Variants in FDFT1 observed in about 807,000 individuals in gnomAD.
FDFT1 encodes farnesyl-diphosphate farnesyltransferase 1.
A neutral mutation model predicts 46.8 loss-of-function variants in FDFT1; 68 were observed. The ratio of observed to expected loss-of-function variants is 1.45; its 90% CI spans 1.19 to 1.78. The LOEUF is 1.78. FDFT1 is among the 40% of genes most tolerant of loss of function. The pLI is 0.00. For synonymous variants in FDFT1, 351 were observed against 185.1 expected (o/e 1.90, Z -7.28); for missense variants, 928 against 524.4 (o/e 1.77, Z -7.52).
rs544013339 is a variant in FDFT1 at position 11,826,120 on chromosome 8, C to G, written c.607C>G (p.Arg203Gly). 17 of 1,609,342 alleles carry G rather than the reference C, an allele frequency of 1.1e-5. No individual in the cohort carries two copies. Among genetic ancestry groups the G allele is most frequent in the Admixed American group, 6.7e-5 (4 of 59,934 alleles). The change falls in exon 5 of 8, where the codon CGT becomes GGT. Residue 203 changes from arginine to glycine, a missense_variant. Coordinates refer to ENST00000220584, the MANE Select transcript of FDFT1 (RefSeq NM_004462.5). Reference sequence around the variant, plus strand: ...CCCCTTAGTTGGTGAAGATACAGAACGTGCCAACTCTATGGGCCTGTTTTT... The same window carrying G: ...CCCCTTAGTTGGTGAAGATACAGAAGGTGCCAACTCTATGGGCCTGTTTTT... ...EDPLVGEDTE[R>G]ANSMGLFLQK...
Position 11,830,330 on chromosome 8 carries a change from A to G in FDFT1, c.789A>G (p.Ile263Met), listed in dbSNP as rs528416963. The G allele has an allele frequency of 6.2e-7, 1 of 1,613,540 alleles. No individual in the cohort carries two copies. Among genetic ancestry groups the G allele is most frequent in the African/African-American group, 1.3e-5 (1 of 75,026 alleles). ...DLAVQCLNEL[I>M]TNALHHIPDV... Reference sequence around the variant, plus strand: ...CCGTGCAGTGCCTGAATGAACTTATAACCAATGCACTGCACCACATCCCAG... The same window carrying G: ...CCGTGCAGTGCCTGAATGAACTTATGACCAATGCACTGCACCACATCCCAG... The change falls in exon 6 of 8, where the codon ATA becomes ATG. Residue 263 changes from isoleucine (I) to methionine (M), a missense_variant. Coordinates refer to ENST00000220584, the MANE Select transcript of FDFT1 (RefSeq NM_004462.5).
intron 5 of FDFT1, among the ~76,000 whole-genome samples, chr8:11,829,879 A>G (rs375859759): frequency 3.4e-5 from 5 of 147,392 alleles, no homozygotes; most frequent in African/African-American, 1.3e-4. Flanking sequence ...ACGGAGTCTC[A>G]CTCTTTCACC....
intron 7 of FDFT1, among the ~76,000 whole-genome samples, chr8:11,834,167 G>C (rs2130894948): frequency 6.6e-6 from 1 of 152,292 alleles, no homozygotes; most frequent in East Asian, 1.9e-4. Context: ...CATGCACCTG[G>C]AAGGGACTTG....
In FDFT1 at chr8:11,821,764, T is replaced by A. The variant is rs201713766; in HGVS notation, c.396T>A (p.Phe132Leu). The A allele has an allele frequency of 2.5e-6, 4 of 1,613,436 alleles. No homozygotes were observed. Among genetic ancestry groups the A allele is most frequent in the Non-Finnish European group, 3.4e-6 (4 of 1,179,520 alleles). ...LEDFPTISLE[F>L]RNLAEKYQTV... ...TTCCATTTCAGATCTCCCTTGAGTT[T>A]AGAAATCTGGCTGAGAAATACCAAA... Residue 132 changes from phenylalanine to leucine, a missense_variant, in exon 4 of 8, where the codon TTT becomes TTA. Phe to Leu is a conservative substitution (Grantham distance 22). Transcript: ENST00000220584.
At chr8:11,831,152 C>A (rs928886266) in intron 6 of FDFT1, among the ~76,000 whole-genome samples, 2 of 152,140 alleles carry the variant, frequency 1.3e-5, no homozygotes, top group African/African-American at 2.4e-5. Context: ...AAAACAACTA[C>A]AATAGAAAAT....
chr8:11,800,164 G>T (rs908740537), upstream of FDFT1, among the ~76,000 whole-genome samples: 1 of 149,320 alleles, frequency 6.7e-6, no homozygotes, highest in East Asian at 2.0e-4. Context: ...GGGAGGCTGA[G>T]GCAGGAGAAG....
At chr8:11,820,507 A>G (rs576020317) in intron 3 of FDFT1, among the ~76,000 whole-genome samples, 17 of 152,302 alleles carry the variant, frequency 1.1e-4, no homozygotes, top group Admixed American at 4.6e-4. Flanking sequence ...GGCTCCACCC[A>G]GTTCAAGCTT....
intron 6 of FDFT1, 141 bp from the exon 7 acceptor site, chr8:11,831,377 T>C (rs1810759321): frequency 4.5e-6 from 3 of 659,430 alleles, no homozygotes; most frequent in African/African-American, 1.8e-5. Flanking sequence ...TCTTCGTGGG[T>C]ATTTTTTCTT....
chr8:11,808,200 T>C, intron 1 of FDFT1: 1 of 1,074,044 alleles, frequency 9.3e-7, no homozygotes, highest in Non-Finnish European at 1.1e-6. Flanking sequence ...CAGGCCTTAT[T>C]GGGAAGAGGA....
In FDFT1 at chr8:11,831,670, G is replaced by C. The variant is rs766902050; in HGVS notation, c.1032G>C (p.Glu344Asp). 4 of 1,611,650 alleles carry C rather than the reference G, an allele frequency of 2.5e-6. No homozygotes were observed. The East Asian group carries it at 8.9e-5, about 36-fold the overall frequency. The change falls in exon 7 of 8, where the codon GAG becomes GAC. Residue 344 changes from glutamate (E) to aspartate (D), a missense_variant and splice_region_variant. By Grantham distance (45) the Glu-to-Asp change is conservative (BLOSUM62 2). Transcript: ENST00000220584. ...CCATCATATATCAGTATATGGAAGA[G>C]GTGGGTTTTTATTTAACTACTTGGA... Reference protein sequence around the residue: ...VKAIIYQYMEEIYHRIPDSDP... With the variant: ...VKAIIYQYMEDIYHRIPDSDP...
At chr8:11,828,328 T>G (rs923721914) in intron 5 of FDFT1, among the ~76,000 whole-genome samples, 4 of 152,096 alleles carry the variant, frequency 2.6e-5, no homozygotes, top group Admixed American at 2.6e-4. Flanking sequence ...CAAAAAACAC[T>G]TCCCTCAGCT....
In FDFT1 at chr8:11,827,712, G is replaced by T. The variant is rs564517011; in HGVS notation, c.702+1497G>T. ...CAGATGATTATTAAAAATCTGAAAA[G>T]ATGCTGAGTCTTACTCCTAAGAAAA... is the stretch of plus-strand genomic sequence containing the variant. On this transcript the variant is annotated intron_variant, in intron 5 of 7. Transcript: ENST00000220584. Among the ~76,000 whole-genome samples the T allele has an allele frequency of 2.6e-5, 4 of 152,240 alleles. No homozygotes were observed. In the East Asian group the frequency reaches 7.7e-4, roughly 29 times the overall value.
chr8:11,809,798 G>C lies in FDFT1; in HGVS notation c.329G>C (p.Arg110Pro). ...FHSFLYQPDW[R>P]FMESKEKDRQ... is the part of the protein sequence containing the mutation. ...TCTTTCCTTTACCAACCAGACTGGC[G>C]GTTCATGGAGAGCAAGGAGAAGGAT... is the stretch of plus-strand genomic sequence containing the variant. Residue 110 changes from arginine (R) to proline (P), a missense_variant, in exon 3 of 8, where the codon CGG becomes CCG. Physicochemically the swap from Arg to Pro is moderately radical, Grantham distance 103 (BLOSUM62 -2). Coordinates refer to ENST00000220584, the MANE Select transcript of FDFT1 (RefSeq NM_004462.5). The C allele has an allele frequency of 6.2e-7, 1 of 1,614,128 alleles. No homozygotes were observed. The highest frequency in any genetic ancestry group is 8.5e-7 in the Non-Finnish European group (1 of 1,180,000).
In FDFT1 at chr8:11,821,743, A is replaced by G. The variant is rs1809278183; in HGVS notation, c.382-7A>G. On this transcript the variant is annotated splice_region_variant and splice_polypyrimidine_tract_variant and intron_variant, in intron 3 of 7. Coordinates refer to ENST00000220584, the MANE Select transcript of FDFT1 (RefSeq NM_004462.5). ...TGATTTCTGTGTTTTTACGGTTTCC[A>G]TTTCAGATCTCCCTTGAGTTTAGAA... 1.9e-6 allele frequency: 3 copies of G among 1,612,756 alleles called. No individual in the cohort carries two copies. Among genetic ancestry groups the G allele is most frequent in the Non-Finnish European group, 1.7e-6 (2 of 1,179,090 alleles).
In FDFT1 at chr8:11,838,428, A is replaced by G. The variant is rs202175915; in HGVS notation, c.1073A>G (p.Lys358Arg). ...CCCGACTCAGACCCATCTTCTAGCA[A>G]AACAAGGCAGATCATCTCCACCATC... ...RIPDSDPSSS[K>R]TRQIISTIRT... The change falls in exon 8 of 8, where the codon AAA (lysine) becomes AGA (arginine). Residue 358 changes from lysine (K) to arginine (R), a missense_variant. Transcript: ENST00000220584. The G allele has an allele frequency of 5.6e-6, 9 of 1,612,636 alleles. No individual in the cohort carries two copies. In the African/African-American group the frequency reaches 6.7e-5, roughly 12 times the overall value.
chr8:11,803,321 G>T (rs886424285), intron 1 of FDFT1: 2 of 1,297,328 alleles, frequency 1.5e-6, no homozygotes, highest in African/African-American at 3.0e-5. Flanking sequence ...GAACTATGCA[G>T]ATAACATCAC....
intron 7 of FDFT1, among the ~76,000 whole-genome samples, chr8:11,837,894 G>T (rs1195593363): frequency 6.6e-6 from 1 of 152,164 alleles, no homozygotes; most frequent in African/African-American, 2.4e-5. Flanking sequence ...GGGAGGCACA[G>T]GGAGGACTCC....
intron 6 of FDFT1, among the ~76,000 whole-genome samples, 153 bp downstream of exon 6, chr8:11,830,573 T>C (rs963129435): frequency 6.6e-6 from 1 of 152,236 alleles, no homozygotes; most frequent in Non-Finnish European, 1.5e-5. Context: ...CACCCGCCTT[T>C]GCTTCCAGCC....
At chr8:11,830,149 A>G (rs17153900) in intron 5 of FDFT1, 95 bp from the exon 6 acceptor site, 23 of 1,046,824 alleles carry the variant, frequency 2.2e-5, no homozygotes, top group Non-Finnish European at 1.6e-5. Context: ...CCCAGCCTGT[A>G]TCATAGTTCT....
Sources: gnomAD v4.1 joint callset for allele counts (sites outside exome capture counted in the v4.1 genomes callset) on GRCh38, gnomAD v4.1.1 for gene constraint, MANE v1.5 for transcripts, NCBI Gene and HGNC (gene_info 2026-07-23, HGNC 2026-07-21) for gene names.